The following UNC5D variants were observed in gnomAD, a reference collection of about 807,000 sequenced individuals.
UNC5D encodes the protein netrin receptor UNC5D.
Under a neutral mutation model 105.4 loss-of-function variants are expected in UNC5D, and 39 were observed. The observed-to-expected ratio is 0.37, with a 90% confidence interval of 0.29 to 0.48. The LOEUF is 0.48. Among genes scored for constraint, UNC5D ranks in the 20% least tolerant of loss-of-function variants. UNC5D has a pLI of 0.98. For missense variants in UNC5D, 991 were observed against 1,202.4 expected (o/e 0.82, Z 2.60); for synonymous variants, 452 against 450.4 (o/e 1.00, Z -0.04).
intron 15 of UNC5D, among the ~76,000 whole-genome samples, chr8:35,770,495 C>T (rs1801963224): frequency 6.6e-6 from 1 of 152,086 alleles, no homozygotes; most frequent in Admixed American, 6.6e-5. Context: ...CTGTTTTACT[C>T]TTTAGTGTGG....
intron 3 of UNC5D, among the ~76,000 whole-genome samples, chr8:35,581,261 C>G (rs1818454861): frequency 6.6e-6 from 1 of 152,062 alleles, no homozygotes; most frequent in African/African-American, 2.4e-5. Flanking sequence ...ATAATCCAGC[C>G]TCTCTTTCGG....
chr8:35,717,516 G>A (rs1412050855), intron 8 of UNC5D, among the ~76,000 whole-genome samples: 1 of 151,994 alleles, frequency 6.6e-6, no homozygotes, highest in Admixed American at 6.6e-5. Flanking sequence ...AAGTTCAAAG[G>A]GTCTTTGAAA....
chr8:35,751,181 T>C (rs997863716), intron 13 of UNC5D, among the ~76,000 whole-genome samples: 1 of 152,136 alleles, frequency 6.6e-6, no homozygotes, highest in Admixed American at 6.6e-5. Flanking sequence ...AGCTGTCTTA[T>C]TGCACTGAGT....
intron 3 of UNC5D, among the ~76,000 whole-genome samples, chr8:35,568,865 G>A (rs1407742121): frequency 6.6e-6 from 1 of 152,148 alleles, no homozygotes; most frequent in Non-Finnish European, 1.5e-5. Context: ...CACCGTCAAT[G>A]ACAAAGTTCA....
intron 4 of UNC5D, among the ~76,000 whole-genome samples, chr8:35,672,866 T>C (rs1227939597): frequency 6.6e-6 from 1 of 152,200 alleles, no homozygotes; most frequent in East Asian, 1.9e-4. Flanking sequence ...AGACTGCACC[T>C]GACTTTCACA....
chr8:35,730,013 T>C (rs1829100601), intron 10 of UNC5D, among the ~76,000 whole-genome samples: 1 of 152,216 alleles, frequency 6.6e-6, no homozygotes, highest in East Asian at 1.9e-4. Flanking sequence ...ATTTAAATTA[T>C]CATCAGCAAC....
At chr8:35,628,721 G>A (rs1821848150) in intron 4 of UNC5D, among the ~76,000 whole-genome samples, 1 of 152,078 alleles carries the variant, frequency 6.6e-6, no homozygotes, top group Admixed American at 6.5e-5. Flanking sequence ...GTTTCTGAAG[G>A]GTAAAAAGAA....
At chr8:35,269,964 GA>G (rs1335147543) in intron 1 of UNC5D, among the ~76,000 whole-genome samples, 1 of 152,178 alleles carries the variant, frequency 6.6e-6, no homozygotes, top group Non-Finnish European at 1.5e-5. Context: ...AAGTATGAGA[GA>G]TCTTTAGTGG....
At chr8:35,557,998 G>T (rs982463322) in intron 2 of UNC5D, among the ~76,000 whole-genome samples, 2 of 151,974 alleles carry the variant, frequency 1.3e-5, no homozygotes, top group African/African-American at 4.8e-5. Flanking sequence ...TGGATGTGGT[G>T]GTGGGCACCT....
intron 1 of UNC5D, among the ~76,000 whole-genome samples, chr8:35,387,730 CT>C (rs2128937885): frequency 6.6e-6 from 1 of 152,244 alleles, no homozygotes; most frequent in East Asian, 1.9e-4. Context: ...GTGTCATGAT[CT>C]TCATATCATC....
chr8:35,397,699 C>T (rs1272998810), intron 1 of UNC5D, among the ~76,000 whole-genome samples: 12 of 152,080 alleles, frequency 7.9e-5, no homozygotes. Context: ...TTGTTCTCTC[C>T]TCTTCTGCCT....
intron 4 of UNC5D, among the ~76,000 whole-genome samples, chr8:35,604,689 C>T (rs536962341): frequency 6.6e-5 from 10 of 152,298 alleles, no homozygotes; most frequent in African/African-American, 1.7e-4. Context: ...ACCAATTAGA[C>T]GTAGATTTGG....
chr8:35,250,250 C>T (rs1299429324), intron 1 of UNC5D, among the ~76,000 whole-genome samples: 2 of 151,866 alleles, frequency 1.3e-5, no homozygotes, highest in Non-Finnish European at 2.9e-5. Context: ...TGGGAAGGAC[C>T]CAGGGTTTTG....
In UNC5D at chr8:35,413,257, C is replaced by G. The variant is rs910191838; in HGVS notation, c.104-136035C>G. Among the ~76,000 whole-genome samples the G allele has an allele frequency of 1.7e-4, 22 of 130,120 alleles. No homozygotes were observed. In the East Asian group the frequency reaches 1.9e-3, roughly 11 times the overall value. 85.4% of individuals were successfully genotyped at this position (130,120 alleles called of 152,430 possible). On this transcript the variant is annotated intron_variant, in intron 1 of 16. Transcript: ENST00000404895. ...AATTCCTAATCAGGTGGGGGCGGGT[C>G]TGTGTGTGTGTGTGTGTGTGTGTGT...
chr8:35,742,854 G>C (rs1240115679), intron 11 of UNC5D, among the ~76,000 whole-genome samples: 1 of 152,182 alleles, frequency 6.6e-6, no homozygotes, highest in East Asian at 1.9e-4. Context: ...AGGATGTTAG[G>C]TACTACGTGG....
intron 1 of UNC5D, among the ~76,000 whole-genome samples, chr8:35,449,034 A>G (rs546067232): frequency 5.5e-4 from 84 of 152,292 alleles, no homozygotes; most frequent in African/African-American, 1.9e-3. Context: ...TAGATGTTCA[A>G]TAAATATTTG....
At chr8:35,284,880 G>A (rs1806475484) in intron 1 of UNC5D, among the ~76,000 whole-genome samples, 1 of 152,058 alleles carries the variant, frequency 6.6e-6, no homozygotes, top group African/African-American at 2.4e-5. Flanking sequence ...TTATTTTCTA[G>A]AAGCAAAATA....
At chr8:35,715,374 G>A (rs1828199583) in intron 8 of UNC5D, among the ~76,000 whole-genome samples, 1 of 152,094 alleles carries the variant, frequency 6.6e-6, no homozygotes, top group Non-Finnish European at 1.5e-5. Context: ...TTGGAGAGGT[G>A]GTAGTTGGAA....
At chr8:35,757,974 C>T (rs1830589032) in intron 13 of UNC5D, among the ~76,000 whole-genome samples, 1 of 152,142 alleles carries the variant, frequency 6.6e-6, no homozygotes, top group African/African-American at 2.4e-5. Flanking sequence ...TCACTCTAGC[C>T]ACATTTCAAG....
Sources: gnomAD v4.1 joint callset for allele counts (sites outside exome capture counted in the v4.1 genomes callset) on GRCh38, gnomAD v4.1.1 for gene constraint, MANE v1.5 for transcripts, NCBI Gene and HGNC (gene_info 2026-07-23, HGNC 2026-07-21) for gene names.